The following CMTR2 variants were observed in gnomAD, a reference collection of about 807,000 sequenced individuals.
CMTR2 encodes the protein cap methyltransferase 2.
CMTR2 carries 40 observed loss-of-function variants against 49.8 expected under a neutral mutation model. The ratio of observed to expected loss-of-function variants is 0.80; its 90% CI spans 0.62 to 1.04. The LOEUF is 1.04. Ranked by LOEUF, CMTR2 falls within the 50% of genes least tolerant of loss-of-function variation. The pLI is 0.00. For missense variants in CMTR2, 907 were observed against 897.2 expected (o/e 1.01, Z -0.14); for synonymous variants, 326 against 315.8 (o/e 1.03, Z -0.34).
chr16:71,287,025 G>A (rs1034304727), intron 2 of CMTR2: 2 of 152,090 alleles, frequency 1.3e-5, no homozygotes, highest in Admixed American at 1.3e-4. Flanking sequence ...ATTCCAGCAG[G>A]GAGAGCAATG....
At position 71,281,581 on chromosome 16, in the gene CMTR2, C is replaced by T. The variant is rs956926274; in HGVS notation, c.*2027G>A. The T allele has an allele frequency of 3.9e-5, 6 of 151,908 alleles. No individual in the cohort carries two copies. Among genetic ancestry groups the T allele is most frequent in the African/African-American group, 1.4e-4 (6 of 41,416 alleles). The allele number at this position is 151,908 out of a possible 1,614,324, so 9.4% of individuals were successfully genotyped here. ...CTCTTAAAGAGAAACTCATATAAAT[C>T]ATTAGTACCTGTCATCTATTAATAT... is the stretch of plus-strand genomic sequence containing the variant. On this transcript the variant is annotated 3_prime_UTR_variant, in exon 3 of 3. Coordinates refer to ENST00000434935, the MANE Select transcript of CMTR2 (RefSeq NM_018348.6).
At position 71,285,344 on chromosome 16, in the gene CMTR2, T is replaced by C. The variant is rs186874461; in HGVS notation, c.577A>G (p.Ile193Val). Residue 193 changes from isoleucine to valine, a missense_variant, in exon 3 of 3, where the codon ATT becomes GTT. Ile to Val is a conservative substitution (Grantham distance 29, BLOSUM62 3). Transcript: ENST00000434935. ...DLMMIMDDRL[I>V]ANTLHWWYFG... ...TACCACCAGTGCAAGGTATTTGCAA[T>C]AAGCCGGTCATCCATAATCATCATG... 23 of 1,614,124 alleles carry C rather than the reference T, an allele frequency of 1.4e-5. No homozygotes were observed. The East Asian group carries it at 5.1e-4, about 36-fold the overall frequency.
At position 71,284,908 on chromosome 16, in the gene CMTR2, C is replaced by G; in HGVS notation, c.1013G>C (p.Gly338Ala). 6.2e-7 allele frequency: 1 copy of G among 1,614,002 alleles called. No homozygotes were observed. The highest frequency in any genetic ancestry group is 8.5e-7 in the Non-Finnish European group (1 of 1,179,952). Residue 338 changes from glycine to alanine, a missense_variant, in exon 3 of 3, where the codon GGG (glycine) becomes GCG (alanine). Transcript: ENST00000434935. ...AAGGGCTTTCCTTTTCATTTCAGTC[C>G]CAAAATTCAAGGTCATCTTAGATAA... ...PLLSKMTLNF[G>A]TEMKRKALFP...
rs1337747126 is a variant in CMTR2, at chr16:71,285,347, G to C, written c.574C>G (p.Leu192Val). The C allele has an allele frequency of 6.2e-7, 1 of 1,614,120 alleles. No individual in the cohort carries two copies. The highest frequency in any genetic ancestry group is 1.1e-5 in the South Asian group (1 of 91,070). The change falls in exon 3 of 3, where the codon CTT becomes GTT. Residue 192 changes from leucine to valine, a missense_variant. Coordinates refer to ENST00000434935, the MANE Select transcript of CMTR2 (RefSeq NM_018348.6). ...CACCAGTGCAAGGTATTTGCAATAA[G>C]CCGGTCATCCATAATCATCATGAGG... ...DDLMMIMDDR[L>V]IANTLHWWYF...
chr16:71,289,458 TA>T (rs762549794), upstream of CMTR2: 134 of 152,250 alleles, frequency 8.8e-4, no homozygotes, highest in Middle Eastern at 0.014. Flanking sequence ...GCGCCAACGT[TA>T]CGCACGCCGG....
rs1260593578 is a variant in CMTR2 at position 71,284,919 on chromosome 16, G to T, written c.1002C>A (p.Thr334=). The T allele has an allele frequency of 5.0e-6, 8 of 1,614,066 alleles. No individual in the cohort carries two copies. Among genetic ancestry groups the T allele is most frequent in the Non-Finnish European group, 6.8e-6 (8 of 1,179,982 alleles). The stretch of plus-strand genomic sequence containing the variant: ...TTTTCATTTCAGTCCCAAAATTCAA[G>T]GTCATCTTAGATAACAGAGGATGGA... ...EAIHPLLSKM[T]LNFGTEMKRK... The change falls in exon 3 of 3, where the codon ACC becomes ACA. Residue 334 remains threonine, a synonymous_variant. Coordinates refer to ENST00000434935, the MANE Select transcript of CMTR2 (RefSeq NM_018348.6).
In CMTR2 at chr16:71,283,908, A is replaced by G. The variant is rs149893216; in HGVS notation, c.2013T>C (p.Phe671=). Residue 671 remains phenylalanine, a synonymous_variant, in exon 3 of 3, where the codon TTT becomes TTC. Transcript: ENST00000434935. ...VLHSCFRFIT[F]VCPTSSDPLR... ...GGGGATCAGAGGATGTGGGACAAACAAAAGTGATGAATCTAAAACAACTGT... is the reference window on the plus strand; with the variant it reads ...GGGGATCAGAGGATGTGGGACAAACGAAAGTGATGAATCTAAAACAACTGT... The G allele has an allele frequency of 2.4e-5, 39 of 1,614,078 alleles. No individual in the cohort carries two copies. The African/African-American group carries it at 4.4e-4, about 18-fold the overall frequency.
At position 71,284,856 on chromosome 16, in the gene CMTR2, A is replaced by T. The variant is rs559415030; in HGVS notation, c.1065T>A (p.Ser355=). 17 of 1,613,920 alleles carry T rather than the reference A, an allele frequency of 1.1e-5. No individual in the cohort carries two copies. Among genetic ancestry groups the T allele is most frequent in the East Asian group, 2.2e-5 (1 of 44,888 alleles). The change falls in exon 3 of 3, where the codon TCT becomes TCA. Residue 355 remains serine, a synonymous_variant. Transcript: ENST00000434935. ...ALFPHHVIPD[S]FLKRHEECCV... Reference sequence around the variant, plus strand: ...AACATTCTTCATGTCTCTTAAGAAAAGAATCAGGAATCACATGATGGGGAA... The same window carrying T: ...AACATTCTTCATGTCTCTTAAGAAATGAATCAGGAATCACATGATGGGGAA...
intron 2 of CMTR2, among the ~76,000 whole-genome samples, chr16:71,286,254 T>TA (rs2144852453): frequency 6.6e-6 from 1 of 151,730 alleles, no homozygotes; most frequent in Admixed American, 6.6e-5. Context: ...TACTAGCATA[T>TA]AAAAAACATA....
Position 71,284,202 on chromosome 16 carries a change from T to A in CMTR2, c.1719A>T (p.Val573=), listed in dbSNP as rs940157417. ...TECLQDEQVV[V]PSNQIKCLLV... is the part of the protein sequence containing the mutation. ...GCAGGCACTTTATTTGATTGCTGGG[T>A]ACTACAACCTGCTCATCCTGAAGGC... The change falls in exon 3 of 3, where the codon GTA becomes GTT. Residue 573 remains valine, a synonymous_variant. Transcript: ENST00000434935. 4 of 1,614,022 alleles carry A rather than the reference T, an allele frequency of 2.5e-6. No individual in the cohort carries two copies. The highest frequency in any genetic ancestry group is 2.5e-6 in the Non-Finnish European group (3 of 1,179,962).
At chr16:71,288,495 G>C (rs1489989024) in intron 2 of CMTR2, 1 of 152,116 alleles carries the variant, frequency 6.6e-6, no homozygotes, top group East Asian at 1.9e-4. Flanking sequence ...CCAAGAAGTT[G>C]GACATTGCCT....
chr16:71,286,840 GAATTT>G (rs2041735323), intron 2 of CMTR2: 1 of 151,946 alleles, frequency 6.6e-6, no homozygotes, highest in Non-Finnish European at 1.5e-5. Flanking sequence ...TTGGATAGCA[GAATTT>G]TATACTGAAG....
In CMTR2 at chr16:71,284,470, C is replaced by G; in HGVS notation, c.1451G>C (p.Gly484Ala). 6.2e-7 allele frequency: 1 copy of G among 1,613,990 alleles called. No individual in the cohort carries two copies. The highest frequency in any genetic ancestry group is 2.2e-5 in the East Asian group (1 of 44,874). Reference protein sequence around the residue: ...YHPGQSSILEGTASNLECHLW... With the variant: ...YHPGQSSILEATASNLECHLW... ...GTGACACTCAAGATTGGAAGCTGTT[C>G]CTTCTAAAATAGAACTCTGCCCAGG... The change falls in exon 3 of 3, where the codon GGA (glycine) becomes GCA (alanine). Residue 484 changes from glycine to alanine, a missense_variant. Transcript: ENST00000434935.
At position 71,285,035 on chromosome 16, in the gene CMTR2, C is replaced by T. The variant is rs1403692972; in HGVS notation, c.886G>A (p.Asp296Asn). ...NLMYLLNCCFDQVHVFKPATS... is the reference protein window; with the variant it reads ...NLMYLLNCCFNQVHVFKPATS... Reference sequence around the variant, plus strand: ...GCAGGTTTGAAAACATGGACTTGGTCAAAACAACAGTTTAGCAGGTACATC... The same window carrying T: ...GCAGGTTTGAAAACATGGACTTGGTTAAAACAACAGTTTAGCAGGTACATC... The change falls in exon 3 of 3, where the codon GAC becomes AAC. Residue 296 changes from aspartate to asparagine, a missense_variant. Asp to Asn is a conservative substitution (Grantham distance 23, BLOSUM62 1). Transcript: ENST00000434935. The T allele has an allele frequency of 1.2e-6, 2 of 1,613,828 alleles. No individual in the cohort carries two copies. Among genetic ancestry groups the T allele is most frequent in the South Asian group, 2.2e-5 (2 of 90,980 alleles).
At position 71,283,886 on chromosome 16, in the gene CMTR2, G is replaced by A; in HGVS notation, c.2035C>T (p.Pro679Ser). 6.2e-7 allele frequency: 1 copy of A among 1,612,812 alleles called. No individual in the cohort carries two copies. Among genetic ancestry groups the A allele is most frequent in the Middle Eastern group, 1.7e-4 (1 of 6,056 alleles). ...ITFVCPTSSDPLRTCAVLLCV... is the reference protein window; with the variant it reads ...ITFVCPTSSDSLRTCAVLLCV... ...AGCAGGACTGCGCAGGTCCTCAGGG[G>A]ATCAGAGGATGTGGGACAAACAAAA... Residue 679 changes from proline to serine, a missense_variant, in exon 3 of 3, where the codon CCC becomes TCC. Physicochemically the swap from Pro to Ser is moderately conservative, Grantham distance 74 (BLOSUM62 -1). Transcript: ENST00000434935.
intron 2 of CMTR2, chr16:71,287,796 C>T (rs1029835351): frequency 3.5e-4 from 54 of 152,166 alleles, no homozygotes; most frequent in African/African-American, 1.2e-3. Flanking sequence ...GAAGACAAAA[C>T]TGAGGTGTTT....
In CMTR2 at chr16:71,284,142, C is replaced by T. The variant is rs1688302818; in HGVS notation, c.1779G>A (p.Met593Ile). ...GGAGTCGAACTTCCAACGGTATATG[C>T]ATTTTGATATTACGGAGAGTCGAAA... The part of the protein sequence containing the change: ...VGFSTLRNIK[M>I]HIPLEVRLLE... Residue 593 changes from methionine (M) to isoleucine (I), a missense_variant, in exon 3 of 3, where the codon ATG (methionine) becomes ATA (isoleucine). Transcript: ENST00000434935. The T allele has an allele frequency of 1.2e-6, 2 of 1,613,868 alleles. No homozygotes were observed. Among genetic ancestry groups the T allele is most frequent in the Admixed American group, 1.7e-5 (1 of 59,980 alleles).
chr16:71,284,835 T>C lies in CMTR2; in HGVS notation c.1086A>G (p.Glu362=). ...IPDSFLKRHE[E]CCVFFHKYQL... ...GATATTTATGAAAGAACACACAACATTCTTCATGTCTCTTAAGAAAAGAAT... is the reference window on the plus strand; with the variant it reads ...GATATTTATGAAAGAACACACAACACTCTTCATGTCTCTTAAGAAAAGAAT... The change falls in exon 3 of 3, where the codon GAA becomes GAG. Residue 362 remains glutamate, a synonymous_variant. Coordinates refer to ENST00000434935, the MANE Select transcript of CMTR2 (RefSeq NM_018348.6). 2 of 1,613,948 alleles carry C rather than the reference T, an allele frequency of 1.2e-6. No individual in the cohort carries two copies. The highest frequency in any genetic ancestry group is 1.7e-6 in the Non-Finnish European group (2 of 1,179,960).
chr16:71,286,926 A>G (rs1041323335), intron 2 of CMTR2: 13 of 152,164 alleles, frequency 8.5e-5, no homozygotes, highest in African/African-American at 1.7e-4. Context: ...ACTGCCAAAG[A>G]AACCAGAAAC....
Sources: allele counts gnomAD v4.1 joint callset (sites outside exome capture counted in the v4.1 genomes callset), GRCh38; gene constraint gnomAD v4.1.1; transcripts MANE v1.5; gene names NCBI Gene and HGNC (gene_info 2026-07-23, HGNC 2026-07-21).